The following COPS5 variants were observed in gnomAD, a reference collection of about 807,000 sequenced individuals.
COPS5 encodes COP9 signalosome subunit 5.
Under a neutral mutation model 44.4 loss-of-function variants are expected in COPS5, and 8 were observed. The ratio of observed to expected loss-of-function variants is 0.18; its 90% confidence interval spans 0.11 to 0.32. COPS5 has a LOEUF of 0.32. COPS5 is among the 10% of genes least tolerant of loss of function. The pLI is 1.00. For synonymous variants in COPS5, 122 were observed against 142.8 expected (o/e 0.85, Z 1.04); for missense variants, 159 against 406.4 (o/e 0.39, Z 5.23).
At chr8:67,056,646 AAAAAAAATATAT>A (rs1804506772) in intron 4 of COPS5, 42 bp from the exon 5 acceptor site, 1 of 96,352 alleles carries the variant, frequency 1.0e-5, no homozygotes, top group Non-Finnish European at 1.6e-5. Flanking sequence ...GAAAAAAAAA[AAAAAAAATATAT>A]ATATATATAT....
chr8:67,053,899 G>A (rs1300729523), intron 5 of COPS5, among the ~76,000 whole-genome samples: 4 of 150,666 alleles, frequency 2.7e-5, no homozygotes, highest in African/African-American at 9.8e-5. Flanking sequence ...CCAGCTACTC[G>A]GGAGGGTGAG....
chr8:67,050,811 T>C (rs1370489119), intron 6 of COPS5, among the ~76,000 whole-genome samples: 11 of 152,018 alleles, frequency 7.2e-5, no homozygotes, highest in Admixed American at 7.2e-4. Flanking sequence ...AATGCAAACT[T>C]AGCTGTGCCT....
In COPS5 at chr8:67,058,066, G is replaced by C. The variant is rs1804537759; in HGVS notation, c.507+17C>G. The C allele has an allele frequency of 5.0e-6, 8 of 1,612,152 alleles. No individual in the cohort carries two copies. In the African/African-American group the frequency reaches 8.0e-5, roughly 16 times the overall value. On this transcript the variant is annotated intron_variant, in intron 3 of 7. Coordinates refer to ENST00000357849, the MANE Select transcript of COPS5 (RefSeq NM_006837.3). Reference sequence around the variant, plus strand: ...TCTTCATAAAGAACTTAATTAAACTGGTTTTAAAATTCTTACCACCACTGC... The same window carrying C: ...TCTTCATAAAGAACTTAATTAAACTCGTTTTAAAATTCTTACCACCACTGC...
rs183512443 is a variant in COPS5 at position 67,048,689 on chromosome 8, C to T, written c.771+2541G>A. On this transcript the variant is annotated intron_variant, in intron 6 of 7. Transcript: ENST00000357849. ...TGAGATTGCACCACTGCACTCCAGC[C>T]GGGGTGACAGAGTGAGACTCCATCT... Among the ~76,000 whole-genome samples the T allele has an allele frequency of 2.0e-3, 277 of 138,398 alleles. 3 individuals carry two copies. The highest frequency in any genetic ancestry group is 7.1e-3 in the African/African-American group (264 of 36,948). 90.8% of individuals were successfully genotyped at this position (138,398 alleles called of 152,430 possible). A position where few individuals can be genotyped will look rare whatever the true frequency, so the allele number is the denominator to read the frequency against.
intron 6 of COPS5, among the ~76,000 whole-genome samples, chr8:67,048,445 G>C (rs1318774710): frequency 2.0e-5 from 3 of 151,304 alleles, no homozygotes; most frequent in Admixed American, 1.3e-4. Context: ...AGCCGGGCGC[G>C]GTGGCTCACG....
At chr8:67,056,495 C>G in intron 5 of COPS5, 24 bp downstream of exon 5, 1 of 889,440 alleles carries the variant, frequency 1.1e-6, no homozygotes, top group Non-Finnish European at 1.8e-6. Flanking sequence ...GTGCCTGGCC[C>G]AGATATGTTT....
intron 5 of COPS5, 80 bp downstream of exon 5, chr8:67,056,439 C>A: frequency 2.1e-6 from 1 of 466,238 alleles, no homozygotes; most frequent in Non-Finnish European, 4.0e-6. Flanking sequence ...AAGCAATCCT[C>A]TCACTGTGGC....
intron 5 of COPS5, among the ~76,000 whole-genome samples, chr8:67,054,828 C>T (rs1456967007): frequency 6.6e-6 from 1 of 152,042 alleles, no homozygotes; most frequent in Non-Finnish European, 1.5e-5. Flanking sequence ...GTGGCATGCC[C>T]TGTTTTAAAT....
rs1406180617 is a variant in COPS5, at chr8:67,053,969, G to A, written c.659+2550C>T. Among the ~76,000 whole-genome samples the A allele has an allele frequency of 2.0e-5, 3 of 148,578 alleles. No homozygotes were observed. In the Admixed American group the frequency reaches 2.0e-4, roughly 10 times the overall value. ...TGCAGTGAGCCGAGATCACACCACT[G>A]CACTCCAGCCTGGGTGACAGAGCAA... On this transcript the variant is annotated intron_variant, in intron 5 of 7. Transcript: ENST00000357849.
At chr8:67,054,893 T>C (rs1012845161) in intron 5 of COPS5, among the ~76,000 whole-genome samples, 12 of 152,164 alleles carry the variant, frequency 7.9e-5, no homozygotes, top group Non-Finnish European at 1.3e-4. Flanking sequence ...AAAAAAAAGA[T>C]GTCAAAACAT....
rs144850801 is a variant in COPS5, at chr8:67,059,389, A to T, written c.200T>A (p.Met67Lys). 2.6e-5 allele frequency: 42 copies of T among 1,614,134 alleles called. No homozygotes were observed. The highest frequency in any genetic ancestry group is 3.2e-5 in the Non-Finnish European group (38 of 1,180,048). Residue 67 changes from methionine to lysine, a missense_variant, in exon 2 of 8, where the codon ATG (methionine) becomes AAG (lysine). This residue lies in a region of COPS5 where 134 missense variants were observed against 376.7 expected (regional missense o/e 0.36). Coordinates refer to ENST00000357849, the MANE Select transcript of COPS5 (RefSeq NM_006837.3). ...CAAGTTGCCTCCCGATCTGGCATGC[A>T]TCACCATCTTCAGCAGAGCCAATGC... is the stretch of plus-strand genomic sequence containing the variant. The part of the protein sequence containing the change: ...ISALALLKMV[M>K]HARSGGNLEV...
At chr8:67,047,232 A>G (rs896431874) in intron 6 of COPS5, among the ~76,000 whole-genome samples, 8 of 152,230 alleles carry the variant, frequency 5.3e-5, no homozygotes, top group African/African-American at 1.7e-4. Context: ...ACCAAACAAG[A>G]AAAGTTATTT....
At chr8:67,060,466 A>C in intron 1 of COPS5, 3 of 1,289,388 alleles carry the variant, frequency 2.3e-6, no homozygotes, top group Non-Finnish European at 3.0e-6. Flanking sequence ...GCTTTGCCAG[A>C]TTTCAACCAA....
intron 5 of COPS5, among the ~76,000 whole-genome samples, chr8:67,054,388 C>G (rs1037042952): frequency 8.5e-5 from 13 of 152,130 alleles, no homozygotes; most frequent in African/African-American, 3.1e-4. Flanking sequence ...TATTTCCAGG[C>G]TTAGGAGCAA....
intron 3 of COPS5, 84 bp from the exon 4 acceptor site, chr8:67,057,529 T>C: frequency 1.1e-6 from 1 of 935,656 alleles, no homozygotes; most frequent in Non-Finnish European, 1.7e-6. Context: ...AATGTATACA[T>C]ACATATAACA....
chr8:67,044,691 C>G (rs1816678269), intron 7 of COPS5: 1 of 151,980 alleles, frequency 6.6e-6, no homozygotes, highest in South Asian at 2.1e-4. Flanking sequence ...TCTCCACCTC[C>G]TGGGTGGAGG....
intron 5 of COPS5, among the ~76,000 whole-genome samples, chr8:67,054,704 G>T (rs1804474208): frequency 6.6e-6 from 1 of 152,218 alleles, no homozygotes; most frequent in South Asian, 2.1e-4. Flanking sequence ...AGCAGTAGTA[G>T]CACATGGGTA....
At chr8:67,053,542 A>C (rs1221406188) in intron 5 of COPS5, among the ~76,000 whole-genome samples, 2 of 150,406 alleles carry the variant, frequency 1.3e-5, no homozygotes, top group Non-Finnish European at 1.5e-5. Flanking sequence ...CTCTACTAAA[A>C]ATACAAAAAT....
rs11557197 is a variant in COPS5 at position 67,061,922 on chromosome 8, G to A, written c.75C>T (p.Ile25=). Residue 25 remains isoleucine, a synonymous_variant, in exon 1 of 8, where the codon ATC becomes ATT. Coordinates refer to ENST00000357849, the MANE Select transcript of COPS5 (RefSeq NM_006837.3). ...LANNMQEAQS[I]DEIYKYDKKQ... is the part of the protein sequence containing the mutation. Reference sequence around the variant, plus strand: ...TCTTGTCGTATTTGTAGATTTCATCGATACTCTGAGCTTCCTGCATGTTGT... The same window carrying A: ...TCTTGTCGTATTTGTAGATTTCATCAATACTCTGAGCTTCCTGCATGTTGT... 1.2e-6 allele frequency: 2 copies of A among 1,614,186 alleles called. No individual in the cohort carries two copies. The highest frequency in any genetic ancestry group is 2.2e-5 in the East Asian group (1 of 44,878).
Sources: allele counts gnomAD v4.1 joint callset (sites outside exome capture counted in the v4.1 genomes callset), GRCh38; gene constraint gnomAD v4.1.1; regional missense constraint gnomAD v4.1.1; transcripts MANE v1.5; gene names NCBI Gene and HGNC (gene_info 2026-07-23, HGNC 2026-07-21).